The following ZNF718 variants were observed in gnomAD, a reference collection of about 807,000 sequenced individuals.
ZNF718 encodes the protein zinc finger protein 718.
ZNF718 carries 3 observed loss-of-function variants against 2.6 expected under a neutral mutation model. That is an observed-to-expected ratio of 1.16 (90% CI 0.53 to 3.01). The LOEUF (loss-of-function observed/expected upper bound fraction) is 3.01. ZNF718 is among the 30% of genes most tolerant of loss of function. The pLI, the probability that ZNF718 is intolerant of heterozygous loss-of-function variation, is 0.03. For synonymous variants in ZNF718, 135 were observed against 77.9 expected, an observed-to-expected ratio of 1.73 and a Z score of -3.86; for missense variants, 468 against 230.0, an observed-to-expected ratio of 2.03 and a Z score of -6.69.
Position 124,935 on chromosome 4 carries a change from C to A in ZNF718, c.3+262C>A. ...GAGTAGGAGCTCATCCGGAAGACAC[C>A]GCGGCGGCCTGCGCGGTGCCGGCGT... On this transcript the variant is annotated intron_variant, in intron 1 of 3. Coordinates refer to ENST00000510175, the MANE Select transcript of ZNF718 (RefSeq NM_001039127.6). 2 of 415,352 alleles carry A rather than the reference C, an allele frequency of 4.8e-6. 1 individual carries two copies. Among genetic ancestry groups the A allele is most frequent in the Non-Finnish European group, 8.8e-6 (2 of 227,620 alleles). 25.7% of individuals were successfully genotyped at this position (415,352 alleles called of 1,614,324 possible).
At chr4:146,432 G>T (rs1716068501) in intron 3 of ZNF718, among the ~76,000 whole-genome samples, 1 of 152,044 alleles carries the variant, frequency 6.6e-6, no homozygotes, top group Non-Finnish European at 1.5e-5. Flanking sequence ...TATATGAGAA[G>T]AATCTCTTTT....
At chr4:200,239 GTTTT>G (rs782379497) in intron 3 of ZNF718, among the ~76,000 whole-genome samples, 120 of 150,698 alleles carry the variant, frequency 8.0e-4, no homozygotes, top group Admixed American at 2.9e-3. Context: ...GAAGGAGGAG[GTTTT>G]TTTTTTTGTT....
chr4:197,439 T>A (rs1311867794), intron 3 of ZNF718, among the ~76,000 whole-genome samples: 1 of 152,096 alleles, frequency 6.6e-6, no homozygotes, highest in African/African-American at 2.4e-5. Flanking sequence ...CTAAATCACA[T>A]GTAGGGCTAA....
intron 3 of ZNF718, among the ~76,000 whole-genome samples, chr4:169,556 T>G (rs1553817569): frequency 6.6e-6 from 1 of 152,204 alleles, no homozygotes; most frequent in Non-Finnish European, 1.5e-5. Flanking sequence ...GCATATATAT[T>G]TAGGATAGTT....
chr4:139,107 G>C (rs1357437372), intron 3 of ZNF718, among the ~76,000 whole-genome samples: 2 of 152,040 alleles, frequency 1.3e-5, no homozygotes, highest in African/African-American at 2.4e-5. Flanking sequence ...TTCACTTCCT[G>C]TTTAGAAGCT....
intron 3 of ZNF718, among the ~76,000 whole-genome samples, chr4:133,177 TA>T (rs1189716766): frequency 3.0e-3 from 38 of 12,516 alleles, no homozygotes; most frequent in East Asian, 0.016. Flanking sequence ...GACTCCATCT[TA>T]AAAAAAAAAA....
At chr4:137,708 G>T (rs1488937733) in intron 3 of ZNF718, among the ~76,000 whole-genome samples, 1 of 151,438 alleles carries the variant, frequency 6.6e-6, no homozygotes, top group Non-Finnish European at 1.5e-5. Context: ...TGACTTTTTG[G>T]AGTTTATTCT....
intron 3 of ZNF718, 132 bp from the exon 4 acceptor site, chr4:160,780 T>G: frequency 1.6e-6 from 1 of 612,748 alleles, no homozygotes. Context: ...CTCGAACTCC[T>G]TACCTCATTA....
At chr4:191,723 A>C (rs1717696889) in intron 3 of ZNF718, among the ~76,000 whole-genome samples, 1 of 152,190 alleles carries the variant, frequency 6.6e-6, no homozygotes, top group African/African-American at 2.4e-5. Context: ...GTAAGTTAAA[A>C]TATTTTGAAA....
chr4:145,472 C>T (rs1422934373), intron 3 of ZNF718, among the ~76,000 whole-genome samples: 1 of 152,134 alleles, frequency 6.6e-6, no homozygotes, highest in Admixed American at 6.5e-5. Flanking sequence ...AATGTAACTT[C>T]TTTTTTTGTA....
At chr4:193,755 T>C (rs1428766965) in intron 3 of ZNF718, among the ~76,000 whole-genome samples, 1 of 151,850 alleles carries the variant, frequency 6.6e-6, no homozygotes, top group African/African-American at 2.4e-5. Flanking sequence ...CGGGGCCCAG[T>C]GAGGGTGATG....
intron 3 of ZNF718, among the ~76,000 whole-genome samples, chr4:146,284 T>C (rs1716061021): frequency 6.6e-6 from 1 of 152,114 alleles, no homozygotes; most frequent in South Asian, 2.1e-4. Flanking sequence ...AGGACAGTTT[T>C]GTCAGGTATA....
chr4:177,682 A>C (rs1717377498), intron 3 of ZNF718, among the ~76,000 whole-genome samples: 1 of 152,174 alleles, frequency 6.6e-6, no homozygotes, highest in East Asian at 1.9e-4. Context: ...GTCCCTACAC[A>C]TTTTCTCTGG....
chr4:157,755 G>C (rs557998366), intron 3 of ZNF718, among the ~76,000 whole-genome samples: 72 of 152,176 alleles, frequency 4.7e-4, no homozygotes, highest in African/African-American at 1.7e-3. Context: ...GGCCTAACCG[G>C]TGGTTTATCA....
At chr4:200,465 C>T (rs1430199307) in intron 3 of ZNF718, among the ~76,000 whole-genome samples, 2 of 152,114 alleles carry the variant, frequency 1.3e-5, no homozygotes, top group Non-Finnish European at 2.9e-5. Flanking sequence ...GACAGGGTTT[C>T]ACCATGTTGG....
intron 3 of ZNF718, among the ~76,000 whole-genome samples, chr4:189,060 T>G (rs1553820775): frequency 2.5e-5 from 3 of 122,154 alleles, no homozygotes; most frequent in Admixed American, 7.6e-5. Flanking sequence ...CTGTAGATTA[T>G]TTTTTTTTTT....
intron 3 of ZNF718, among the ~76,000 whole-genome samples, chr4:171,276 G>A (rs1553817900): frequency 6.6e-6 from 1 of 152,130 alleles, no homozygotes; most frequent in African/African-American, 2.4e-5. Context: ...TCCCAGTTAG[G>A]CTACTTGGGA....
intron 3 of ZNF718, among the ~76,000 whole-genome samples, chr4:172,513 A>T (rs931688937): frequency 1.3e-5 from 2 of 152,232 alleles, no homozygotes. Context: ...TAATTCTCAC[A>T]GTAACTCAAT....
intron 3 of ZNF718, among the ~76,000 whole-genome samples, chr4:157,137 A>T (rs1716611891): frequency 1.1e-5 from 1 of 88,840 alleles, no homozygotes; most frequent in Admixed American, 1.8e-4. Flanking sequence ...TTTTTCAGAC[A>T]GTTCCACACT....
Sources: allele counts gnomAD v4.1 joint callset (sites outside exome capture counted in the v4.1 genomes callset), GRCh38; gene constraint gnomAD v4.1.1; transcripts MANE v1.5; gene names NCBI Gene and HGNC (gene_info 2026-07-23, HGNC 2026-07-21).